Variants in PLEKHM3 observed in about 807,000 individuals in gnomAD.
PLEKHM3 encodes pleckstrin homology domain containing M3.
In PLEKHM3, 45 loss-of-function variants were observed where a neutral mutation model predicts 81.8. The ratio of observed to expected loss-of-function variants is 0.55; its 90% confidence interval spans 0.43 to 0.71. The LOEUF is 0.71. Ranked by LOEUF, PLEKHM3 falls within the 30% of genes least tolerant of loss-of-function variation. The pLI is 0.00. For synonymous variants in PLEKHM3, 352 were observed against 356.4 expected (o/e 0.99, Z 0.14); for missense variants, 788 against 924.3 (o/e 0.85, Z 1.91).
rs1035130185 is a variant in PLEKHM3, at chr2:207,868,755, A to G, written c.1951-7493T>C. 3.3e-5 allele frequency: 5 copies of G among 152,248 alleles called. No homozygotes were observed. In the South Asian group the frequency reaches 1.0e-3, roughly 31 times the overall value. 9.4% of individuals were successfully genotyped at this position (152,248 alleles called of 1,614,324 possible). A position where few individuals can be genotyped will look rare whatever the true frequency, so the allele number is the denominator to read the frequency against. ...ACACTTGAGATTTACATCAAGGGGA[A>G]GGAAAAAAGCTATGAAGGCCACATG... On this transcript the variant is annotated intron_variant, in intron 6 of 7. Coordinates refer to ENST00000427836, the MANE Select transcript of PLEKHM3 (RefSeq NM_001080475.3).
At chr2:207,886,973 T>C (rs1438280801) in intron 6 of PLEKHM3, among the ~76,000 whole-genome samples, 3 of 152,176 alleles carry the variant, frequency 2.0e-5, no homozygotes, top group Admixed American at 1.3e-4. Context: ...ATCTACGAAA[T>C]GGGGAAAATA....
chr2:207,868,487 C>T (rs1002638305), intron 6 of PLEKHM3: 4 of 152,140 alleles, frequency 2.6e-5, no homozygotes, highest in African/African-American at 7.2e-5. Context: ...CAAATTCTAG[C>T]TCATCTACTT....
chr2:208,014,679 A>G (rs1227170191), intron 1 of PLEKHM3, among the ~76,000 whole-genome samples: 1 of 152,260 alleles, frequency 6.6e-6, no homozygotes, highest in East Asian at 1.9e-4. Flanking sequence ...CTATGTTTTC[A>G]TCCCCCTAAT....
At chr2:207,933,870 C>T (rs1689666917) in intron 4 of PLEKHM3, among the ~76,000 whole-genome samples, 1 of 152,132 alleles carries the variant, frequency 6.6e-6, no homozygotes, top group South Asian at 2.1e-4. Context: ...TGAACAAATC[C>T]CCACCACGTT....
intron 7 of PLEKHM3, among the ~76,000 whole-genome samples, chr2:207,848,060 T>A (rs1190069744): frequency 1.3e-5 from 2 of 152,164 alleles, no homozygotes; most frequent in East Asian, 3.9e-4. Flanking sequence ...GTATGTAATG[T>A]ATGTGTATTT....
At chr2:207,842,063 C>G (rs1265464755) in intron 7 of PLEKHM3, among the ~76,000 whole-genome samples, 1 of 152,080 alleles carries the variant, frequency 6.6e-6, no homozygotes. Flanking sequence ...TCAGCCTCCC[C>G]AGTAGCTGGG....
chr2:208,014,097 C>T (rs1692794710), intron 1 of PLEKHM3, among the ~76,000 whole-genome samples: 1 of 152,172 alleles, frequency 6.6e-6, no homozygotes, highest in Non-Finnish European at 1.5e-5. Context: ...TCTATGACCT[C>T]TCCCTCCCTT....
At chr2:207,923,705 G>T (rs1295909984) in intron 5 of PLEKHM3, among the ~76,000 whole-genome samples, 3 of 151,324 alleles carry the variant, frequency 2.0e-5, no homozygotes, top group African/African-American at 7.3e-5. Context: ...AATAAGGGAA[G>T]AATTTGGCTC....
At chr2:207,942,938 C>T (rs1689993744) in intron 4 of PLEKHM3, among the ~76,000 whole-genome samples, 2 of 151,942 alleles carry the variant, frequency 1.3e-5, no homozygotes, top group Non-Finnish European at 2.9e-5. Context: ...CAGGCACAGA[C>T]AAGACAAATA....
At chr2:207,921,662 T>A (rs1007388463) in intron 5 of PLEKHM3, among the ~76,000 whole-genome samples, 1 of 152,172 alleles carries the variant, frequency 6.6e-6, no homozygotes, top group African/African-American at 2.4e-5. Context: ...AACCCTCTCA[T>A]CCCTCTACCC....
chr2:207,944,275 T>C (rs147631822), intron 4 of PLEKHM3, among the ~76,000 whole-genome samples: 134 of 152,254 alleles, frequency 8.8e-4, no homozygotes, highest in African/African-American at 3.2e-3. Context: ...TCTGGTCAAA[T>C]AGTGTATCCT....
chr2:207,873,300 C>T (rs542296113), intron 6 of PLEKHM3, among the ~76,000 whole-genome samples: 1 of 152,090 alleles, frequency 6.6e-6, no homozygotes, highest in Non-Finnish European at 1.5e-5. Flanking sequence ...TTTCTATTCC[C>T]AGCTATGTCC....
intron 1 of PLEKHM3, among the ~76,000 whole-genome samples, chr2:208,024,654 C>A (rs754438315): frequency 6.6e-6 from 1 of 152,056 alleles, no homozygotes; most frequent in African/African-American, 2.4e-5. Context: ...CAACTCACTA[C>A]GATTACTTAA....
intron 1 of PLEKHM3, among the ~76,000 whole-genome samples, chr2:208,007,825 G>A (rs1222743274): frequency 2.0e-5 from 3 of 152,156 alleles, no homozygotes; most frequent in Admixed American, 6.5e-5. Context: ...GGAGGCCAAG[G>A]CGGGTGGATC....
chr2:207,838,362 C>T (rs539735116), intron 7 of PLEKHM3, among the ~76,000 whole-genome samples: 2 of 152,224 alleles, frequency 1.3e-5, no homozygotes, highest in Non-Finnish European at 2.9e-5. Context: ...TCCCTGATGG[C>T]AGCCCACAAA....
intron 3 of PLEKHM3, among the ~76,000 whole-genome samples, chr2:207,970,591 T>C (rs1283516096): frequency 6.6e-6 from 1 of 152,242 alleles, no homozygotes; most frequent in Non-Finnish European, 1.5e-5. Context: ...GGGTTATTAC[T>C]GTAGCCTTAA....
intron 6 of PLEKHM3, among the ~76,000 whole-genome samples, chr2:207,888,787 A>G (rs914434327): frequency 2.6e-5 from 4 of 152,206 alleles, no homozygotes; most frequent in Non-Finnish European, 5.9e-5. Context: ...AGGCCACATT[A>G]TACCTGTTCC....
At chr2:207,835,378 G>T (rs866980593) in intron 7 of PLEKHM3, among the ~76,000 whole-genome samples, 1 of 152,146 alleles carries the variant, frequency 6.6e-6, no homozygotes, top group Non-Finnish European at 1.5e-5. Context: ...CAGGGGTCTT[G>T]GGTAAGTTAC....
chr2:207,953,122 G>A (rs1004759354), intron 3 of PLEKHM3, among the ~76,000 whole-genome samples: 5 of 151,624 alleles, frequency 3.3e-5, no homozygotes, highest in Admixed American at 6.6e-5. Flanking sequence ...GGGGAAATCC[G>A]GAAAAAATCA....
Sources: allele counts gnomAD v4.1 joint callset (sites outside exome capture counted in the v4.1 genomes callset), GRCh38; gene constraint gnomAD v4.1.1; transcripts MANE v1.5; gene names NCBI Gene and HGNC (gene_info 2026-07-23, HGNC 2026-07-21).